Variants in CCDC154 observed in about 807,000 individuals in gnomAD.
CCDC154 encodes coiled-coil domain-containing protein 154.
CCDC154 carries 91 observed loss-of-function variants against 87.5 expected under a neutral mutation model. That is an observed-to-expected ratio of 1.04 (90% CI 0.88 to 1.24). The LOEUF (loss-of-function observed/expected upper bound fraction) is 1.24. Among genes scored for constraint, CCDC154 ranks in the 50% most tolerant of loss-of-function variants. The probability of loss-of-function intolerance (pLI) is 0.00; values close to 1 mark genes in which losing one functional copy is unlikely to be tolerated. For missense variants in CCDC154, 903 were observed against 879.2 expected (o/e 1.03, Z -0.34); for synonymous variants, 418 against 400.4 (o/e 1.04, Z -0.52).
chr16:1,444,155 G>C lies in CCDC154; in HGVS notation c.8-143C>G. The C allele has an allele frequency of 2.9e-6, 3 of 1,019,864 alleles. No homozygotes were observed. In the South Asian group the frequency reaches 4.5e-5, roughly 15 times the overall value. 63.2% of individuals were successfully genotyped at this position (1,019,864 alleles called of 1,614,324 possible). A position where few individuals can be genotyped will look rare whatever the true frequency, so the allele number is the denominator to read the frequency against. On this transcript the variant is annotated intron_variant, in intron 1 of 16. Coordinates refer to ENST00000389176, the MANE Select transcript of CCDC154 (RefSeq NM_001143980.3). ...TCCTTGGGTCACACAGGATCCAGAC[G>C]GGCTTGGCTCAGACAAGTCCAGGGC...
At position 1,443,318 on chromosome 16, in the gene CCDC154, G is replaced by C; in HGVS notation, c.415-17C>G. 1 of 1,547,318 alleles carries C rather than the reference G, an allele frequency of 6.5e-7. No individual in the cohort carries two copies. The highest frequency in any genetic ancestry group is 8.7e-7 in the Non-Finnish European group (1 of 1,145,954). On this transcript the variant is annotated splice_polypyrimidine_tract_variant and intron_variant, in intron 3 of 16. Transcript: ENST00000389176. ...ACCAGAGAACTGCGAGGAGGAAGAG[G>C]AGGCTGTGGGCTGGACCTAGGCCCG...
At chr16:1,435,370 C>T (rs552460872) in intron 14 of CCDC154, 195 bp from the exon 15 acceptor site, 20 of 613,068 alleles carry the variant, frequency 3.3e-5, no homozygotes, top group East Asian at 8.3e-5. Flanking sequence ...AGTGGCCCTG[C>T]GGGGACCTGG....
At position 1,434,781 on chromosome 16, in the gene CCDC154, C is replaced by A. The variant is rs957207110; in HGVS notation, c.1764G>T (p.Pro588=). Residue 588 remains proline (P), a synonymous_variant, in exon 16 of 17, where the codon CCG becomes CCT. Transcript: ENST00000389176. ...ATGGGAGCGCCTTCCAGCTGCCCAGCGGCGTCCGCGGGCCCTCCTCACTCC... is the reference window on the plus strand; with the variant it reads ...ATGGGAGCGCCTTCCAGCTGCCCAGAGGCGTCCGCGGGCCCTCCTCACTCC... The part of the protein sequence containing the change: ...RLWSEEGPRT[P]LGSWKALPSL... 8 of 1,541,960 alleles carry A rather than the reference C, an allele frequency of 5.2e-6. No homozygotes were observed. The highest frequency in any genetic ancestry group is 7.0e-6 in the Non-Finnish European group (8 of 1,146,446).
intron 5 of CCDC154, 113 bp downstream of exon 5, chr16:1,442,767 C>T: frequency 8.4e-7 from 1 of 1,184,198 alleles, no homozygotes; most frequent in Non-Finnish European, 1.2e-6. Context: ...AGGGCGGTGC[C>T]CCGCCGGGTT....
At chr16:1,434,565 A>ACCCCCCC in intron 16 of CCDC154, 31 bp from the exon 17 acceptor site, 11 of 1,462,470 alleles carry the variant, frequency 7.5e-6, no homozygotes, top group East Asian at 2.6e-5. Flanking sequence ...TGGCCCCTGC[A>ACCCCCCC]CCCCCGCCCC....
rs1001455620 is a variant in CCDC154, at chr16:1,443,599, C to A, written c.321G>T (p.Val107=). ...TRSLLRELLQ[V]RARVQLQGSE... ...AGCCCTGCAGCTGCACGCGGGCCCG[C>A]ACCTGGAGCAGCTCCCGCAGCAGGC... Residue 107 remains valine, a synonymous_variant, in exon 3 of 17, where the codon GTG becomes GTT. Coordinates refer to ENST00000389176, the MANE Select transcript of CCDC154 (RefSeq NM_001143980.3). The A allele has an allele frequency of 6.9e-7, 1 of 1,445,892 alleles. No individual in the cohort carries two copies. Among genetic ancestry groups the A allele is most frequent in the East Asian group, 2.9e-5 (1 of 34,568 alleles). 89.6% of individuals were successfully genotyped at this position (1,445,892 alleles called of 1,614,324 possible).
At chr16:1,439,820 A>T (rs2038535333) in intron 6 of CCDC154, among the ~76,000 whole-genome samples, 1 of 152,150 alleles carries the variant, frequency 6.6e-6, no homozygotes, top group Admixed American at 6.5e-5. Context: ...GTAGACATTG[A>T]CAACATGTAA....
rs929115580 is a variant in CCDC154 at position 1,436,156 on chromosome 16, G to T, written c.1488-70C>A. On this transcript the variant is annotated intron_variant, in intron 13 of 16. Coordinates refer to ENST00000389176, the MANE Select transcript of CCDC154 (RefSeq NM_001143980.3). ...GGTAGGGCCAGGACCGGGGACAAAG[G>T]CCACTCCCACAGCCACCACAGGGTT... The T allele has an allele frequency of 1.4e-5, 18 of 1,297,224 alleles. No homozygotes were observed. In the African/African-American group the frequency reaches 2.6e-4, roughly 19 times the overall value. The allele number at this position is 1,297,224 out of a possible 1,614,324, so 80.4% of individuals were successfully genotyped here.
intron 3 of CCDC154, 27 bp from the exon 4 acceptor site, chr16:1,443,328 G>A: frequency 6.5e-7 from 1 of 1,543,666 alleles, no homozygotes; most frequent in Non-Finnish European, 8.7e-7. Context: ...GAGGCTGTGG[G>A]CTGGACCTAG....
At chr16:1,436,337 C>A in intron 13 of CCDC154, 108 bp downstream of exon 13, 1 of 1,059,470 alleles carries the variant, frequency 9.4e-7, no homozygotes, top group Non-Finnish European at 1.4e-6. Flanking sequence ...TCAGGGGGAA[C>A]AGGTCTGTCA....
intron 5 of CCDC154, 98 bp downstream of exon 5, chr16:1,442,782 G>A (rs890897826): frequency 1.6e-6 from 2 of 1,263,888 alleles, no homozygotes. Context: ...CGGGTTACTG[G>A]GGACACACGG....
chr16:1,444,183 T>C (rs1207840479), intron 1 of CCDC154, 133 bp downstream of exon 1: 19 of 1,092,744 alleles, frequency 1.7e-5, no homozygotes, highest in East Asian at 5.9e-5. Context: ...TCCAGGGCCC[T>C]GCCTGAAGAC....
At position 1,443,994 on chromosome 16, in the gene CCDC154, G is replaced by A. The variant is rs1310347394; in HGVS notation, c.26C>T (p.Pro9Leu). The A allele has an allele frequency of 1.9e-5, 25 of 1,300,800 alleles. No individual in the cohort carries two copies. Among genetic ancestry groups the A allele is most frequent in the Non-Finnish European group, 2.2e-5 (22 of 988,928 alleles). 80.6% of individuals were successfully genotyped at this position (1,300,800 alleles called of 1,614,324 possible). A position where few individuals can be genotyped will look rare whatever the true frequency, so the allele number is the denominator to read the frequency against. Residue 9 changes from proline to leucine, a missense_variant, in exon 2 of 17, where the codon CCC becomes CTC. Pro to Leu is a moderately conservative substitution (Grantham distance 98, BLOSUM62 -3). Transcript: ENST00000389176. ...CTGGGAAGGGGCCGATGCCCCTGAG[G>A]GTCCACTGTCAGCCAACTCTACAAG... MSELADSG[P>L]SGASAPSQLR...
At chr16:1,438,475 C>T in intron 9 of CCDC154, 144 bp downstream of exon 9, 2 of 829,660 alleles carry the variant, frequency 2.4e-6, no homozygotes, top group East Asian at 2.7e-5. Context: ...GGGTTCGCAC[C>T]ATCCAGCTGC....
chr16:1,440,251 T>C (rs900570671), intron 6 of CCDC154, among the ~76,000 whole-genome samples: 4 of 149,682 alleles, frequency 2.7e-5, no homozygotes, highest in Non-Finnish European at 5.9e-5. Context: ...AGATCAAGAC[T>C]ATCCTGGCTA....
chr16:1,443,251 T>C lies in CCDC154; in HGVS notation c.455+10A>G, dbSNP rs770891690. ...CCCTGGGCCTGTGCCCCTAGGTGTG[T>C]GGGGGGTACCTTTTGTCCAGGGCCT... On this transcript the variant is annotated intron_variant, in intron 4 of 16. Transcript: ENST00000389176. The C allele has an allele frequency of 1.3e-6, 2 of 1,548,228 alleles. No homozygotes were observed. Among genetic ancestry groups the C allele is most frequent in the South Asian group, 1.2e-5 (1 of 83,962 alleles).
At position 1,438,068 on chromosome 16, in the gene CCDC154, C is replaced by A; in HGVS notation, c.1134G>T (p.Met378Ile). ...QLAGELARQE[M>I]HGELVLLREK... ...CCCTCACCAGCACCAGCTCTCCATG[C>A]ATCTCCTGCCGGGCCAGCTCGCCAG... is the stretch of plus-strand genomic sequence containing the variant. Residue 378 changes from methionine to isoleucine, a missense_variant, in exon 10 of 17, where the codon ATG becomes ATT. Met to Ile is a conservative substitution (Grantham distance 10, BLOSUM62 1). Coordinates refer to ENST00000389176, the MANE Select transcript of CCDC154 (RefSeq NM_001143980.3). 6.5e-7 allele frequency: 1 copy of A among 1,548,268 alleles called. No homozygotes were observed. The highest frequency in any genetic ancestry group is 8.7e-7 in the Non-Finnish European group (1 of 1,145,764).
rs1216669149 is a variant in CCDC154, at chr16:1,437,973, C to T, written c.1153-19G>A. Reference sequence around the variant, plus strand: ...CTCGGAGCTGCAGGGGACAGGTGGGCACGGGGAGGCCTGGCTGAGCGCCCA... The same window carrying T: ...CTCGGAGCTGCAGGGGACAGGTGGGTACGGGGAGGCCTGGCTGAGCGCCCA... On this transcript the variant is annotated intron_variant, in intron 10 of 16. Transcript: ENST00000389176. 7.8e-6 allele frequency: 12 copies of T among 1,541,614 alleles called. No homozygotes were observed. Among genetic ancestry groups the T allele is most frequent in the African/African-American group, 5.5e-5 (4 of 72,888 alleles).
At chr16:1,443,426 CT>C in intron 3 of CCDC154, 79 bp downstream of exon 3, 1 of 1,435,366 alleles carries the variant, frequency 7.0e-7, no homozygotes, top group Non-Finnish European at 9.1e-7. Context: ...CAGGGGTGAG[CT>C]GGGCTCCAGG....
Sources: allele counts gnomAD v4.1 joint callset (sites outside exome capture counted in the v4.1 genomes callset), GRCh38; gene constraint gnomAD v4.1.1; transcripts MANE v1.5; gene names NCBI Gene and HGNC (gene_info 2026-07-23, HGNC 2026-07-21).